MLLT3: variants seen among roughly 807,000 people sequenced by gnomAD.
MLLT3 encodes MLLT3 super elongation complex subunit, also known as protein AF-9.
MLLT3 carries 4 observed loss-of-function variants against 53.2 expected under a neutral mutation model. The ratio of observed to expected loss-of-function variants is 0.08; its 90% CI spans 0.04 to 0.17. MLLT3 has a LOEUF of 0.17. Ranked by LOEUF, MLLT3 falls within the 10% of genes least tolerant of loss-of-function variation. MLLT3 has a pLI of 1.00. For synonymous variants in MLLT3, 283 were observed against 230.6 expected (o/e 1.23, Z -2.06); for missense variants, 569 against 684.0 (o/e 0.83, Z 1.87).
intron 2 of MLLT3, among the ~76,000 whole-genome samples, chr9:20,601,675 C>T (rs970520902): frequency 1.3e-5 from 2 of 152,002 alleles, no homozygotes; most frequent in Non-Finnish European, 2.9e-5. Flanking sequence ...GCAGACAGAT[C>T]CTCAATAATG....
intron 8 of MLLT3, among the ~76,000 whole-genome samples, chr9:20,358,921 C>T (rs139478261): frequency 1.3e-5 from 2 of 151,972 alleles, no homozygotes; most frequent in African/African-American, 2.4e-5. Context: ...CTTTGTGAGG[C>T]GCATGATGAG....
At chr9:20,579,868 C>T (rs1435010113) in intron 2 of MLLT3, among the ~76,000 whole-genome samples, 1 of 152,124 alleles carries the variant, frequency 6.6e-6, no homozygotes, top group African/African-American at 2.4e-5. Context: ...AGGGAGAAAC[C>T]TTTTGTTTTC....
At chr9:20,484,520 C>T (rs1477593129) in intron 2 of MLLT3, among the ~76,000 whole-genome samples, 1 of 152,064 alleles carries the variant, frequency 6.6e-6, no homozygotes, top group African/African-American at 2.4e-5. Flanking sequence ...ACTCCCTCAA[C>T]CCTATGAGAT....
At chr9:20,428,117 C>T (rs1234040128) in intron 4 of MLLT3, among the ~76,000 whole-genome samples, 1 of 151,854 alleles carries the variant, frequency 6.6e-6, no homozygotes, top group Non-Finnish European at 1.5e-5. Flanking sequence ...AAGATAGTTG[C>T]TAAACATCAG....
At chr9:20,434,216 T>C (rs1416203041) in intron 4 of MLLT3, among the ~76,000 whole-genome samples, 1 of 152,140 alleles carries the variant, frequency 6.6e-6, no homozygotes, top group African/African-American at 2.4e-5. Context: ...AATGTATCAG[T>C]GCTAATTCCT....
intron 2 of MLLT3, among the ~76,000 whole-genome samples, chr9:20,470,335 A>C (rs143716792): frequency 2.6e-4 from 40 of 152,108 alleles, no homozygotes; most frequent in Non-Finnish European, 4.4e-4. Context: ...GGTTTATTTA[A>C]ATTTCTCATC....
rs376484501 is a variant in MLLT3 at position 20,488,059 on chromosome 9, T to C, written c.194-31273A>G. 1.5e-4 allele frequency among the ~76,000 whole-genome samples: 23 copies of C among 152,242 alleles called. No homozygotes were observed. The East Asian group carries it at 4.4e-3, about 29-fold the overall frequency. ...CCTTTTTATTGTGCCTTAGGTGCAA[T>C]AAATTAAATAAATTAAATCTGATAC... is the stretch of plus-strand genomic sequence containing the variant. On this transcript the variant is annotated intron_variant, in intron 2 of 10. Transcript: ENST00000380338.
At chr9:20,424,550 T>C (rs544000694) in intron 4 of MLLT3, among the ~76,000 whole-genome samples, 16 of 152,250 alleles carry the variant, frequency 1.1e-4, no homozygotes, top group African/African-American at 3.6e-4. Context: ...GAGAATCTTA[T>C]AAGGGCCCCT....
At chr9:20,612,891 A>G (rs1820735365) in intron 2 of MLLT3, among the ~76,000 whole-genome samples, 1 of 152,210 alleles carries the variant, frequency 6.6e-6, no homozygotes, top group South Asian at 2.1e-4. Context: ...AGCAGCTAGT[A>G]CAAATGAAGA....
intron 1 of MLLT3, 48 bp downstream of exon 1, chr9:20,622,197 G>C: frequency 6.4e-7 from 1 of 1,559,600 alleles, no homozygotes; most frequent in Non-Finnish European, 8.8e-7. Flanking sequence ...GCAGGGCGAG[G>C]AAGGAAAGTG....
At chr9:20,421,084 T>C (rs181129346) in intron 4 of MLLT3, among the ~76,000 whole-genome samples, 8 of 151,978 alleles carry the variant, frequency 5.3e-5, no homozygotes, top group African/African-American at 1.9e-4. Context: ...GCCAACATGG[T>C]GAAACCCTGT....
intron 2 of MLLT3, among the ~76,000 whole-genome samples, chr9:20,507,493 T>A (rs959325797): frequency 6.6e-6 from 1 of 152,148 alleles, no homozygotes; most frequent in African/African-American, 2.4e-5. Flanking sequence ...ATAACATTTC[T>A]TAAAGCTTGC....
rs529776126 is a variant in MLLT3 at position 20,506,946 on chromosome 9, G to A, written c.194-50160C>T. 3.9e-5 allele frequency among the ~76,000 whole-genome samples: 6 copies of A among 152,248 alleles called. No individual in the cohort carries two copies. In the East Asian group the frequency reaches 1.2e-3, roughly 29 times the overall value. On this transcript the variant is annotated intron_variant, in intron 2 of 10. Coordinates refer to ENST00000380338, the MANE Select transcript of MLLT3 (RefSeq NM_004529.4). ...CACTTGCTATTTAAGTAGGGGGTGGGTATCACTTAAAAACGAATCTTTCTC... is the reference window on the plus strand; with the variant it reads ...CACTTGCTATTTAAGTAGGGGGTGGATATCACTTAAAAACGAATCTTTCTC...
intron 2 of MLLT3, among the ~76,000 whole-genome samples, chr9:20,485,240 TG>T (rs1157381238): frequency 6.6e-6 from 1 of 152,144 alleles, no homozygotes; most frequent in African/African-American, 2.4e-5. Context: ...CCGCCCGCCT[TG>T]GCCTCCCAAA....
At chr9:20,491,460 G>A (rs1824945388) in intron 2 of MLLT3, among the ~76,000 whole-genome samples, 1 of 151,924 alleles carries the variant, frequency 6.6e-6, no homozygotes, top group Admixed American at 6.6e-5. Flanking sequence ...AAAGACATCA[G>A]GGGCAAAATA....
At chr9:20,596,357 G>A (rs549180123) in intron 2 of MLLT3, among the ~76,000 whole-genome samples, 1 of 152,286 alleles carries the variant, frequency 6.6e-6, no homozygotes, top group African/African-American at 2.4e-5. Context: ...CTATTTTCAT[G>A]ACTGATTTTT....
At chr9:20,362,443 T>C (rs1821347943) in intron 7 of MLLT3, among the ~76,000 whole-genome samples, 1 of 152,210 alleles carries the variant, frequency 6.6e-6, no homozygotes, top group African/African-American at 2.4e-5. Flanking sequence ...TTTTTCCCTA[T>C]CAGTTTCCTT....
rs574149265 is a variant in MLLT3 at position 20,571,215 on chromosome 9, A to C, written c.193+49439T>G. Among the ~76,000 whole-genome samples the C allele has an allele frequency of 7.9e-4, 120 of 152,360 alleles. 3 individuals carry two copies. The South Asian group carries it at 0.024, about 31-fold the overall frequency. On this transcript the variant is annotated intron_variant, in intron 2 of 10. Transcript: ENST00000380338. ...TCCAACAAAAGCTTTTAACTTTCCA[A>C]CAAAAACCTTTTAACTGCAACAAAA...
chr9:20,518,382 T>G (rs1452472445), intron 2 of MLLT3, among the ~76,000 whole-genome samples: 1 of 151,950 alleles, frequency 6.6e-6, no homozygotes. Flanking sequence ...AAAGGCAACT[T>G]TTCCTTACAG....
Sources: gnomAD v4.1 joint callset for allele counts (sites outside exome capture counted in the v4.1 genomes callset) on GRCh38, gnomAD v4.1.1 for gene constraint, MANE v1.5 for transcripts, NCBI Gene and HGNC (gene_info 2026-07-23, HGNC 2026-07-21) for gene names.